Variants in AFF2 observed in about 807,000 individuals in gnomAD.
AFF2 encodes the protein ALF transcription elongation factor 2, also known as AF4/FMR2 family member 2.
In AFF2, 14 loss-of-function variants were observed where a neutral mutation model predicts 76.9. That is an observed-to-expected ratio of 0.18 (90% CI 0.12 to 0.28). The LOEUF (loss-of-function observed/expected upper bound fraction) is 0.28. Ranked by LOEUF, AFF2 falls within the 10% of genes least tolerant of loss-of-function variation. The probability of loss-of-function intolerance (pLI) is 1.00; values close to 1 mark genes in which losing one functional copy is unlikely to be tolerated. For missense variants in AFF2, 868 were observed against 1,001.1 expected, an observed-to-expected ratio of 0.87 and a Z score of 1.79; for synonymous variants, 398 against 366.7, an observed-to-expected ratio of 1.09 and a Z score of -0.98.
At chrX:148,973,672 A>C in intron 16 of AFF2, 65 bp downstream of exon 16, 1 of 1,069,570 alleles carries the variant, frequency 9.3e-7, no homozygotes, top group Non-Finnish European at 1.3e-6. Flanking sequence ...GCTATGTTTT[A>C]AAAAATGTAT....
At chrX:148,729,400 C>T (rs1274396312) in intron 3 of AFF2, among the ~76,000 whole-genome samples, 1 of 111,866 alleles carries the variant, frequency 8.9e-6, no homozygotes, top group Non-Finnish European at 1.9e-5. Context: ...AATAAAGGGG[C>T]ATGGTCGGGA....
intron 1 of AFF2, among the ~76,000 whole-genome samples, chrX:148,550,152 A>C (rs782415466): frequency 1.8e-5 from 2 of 112,108 alleles, no homozygotes; most frequent in African/African-American, 6.5e-5. Flanking sequence ...TTAACTCAGG[A>C]AATTTTGTGT....
Position 148,522,655 on chromosome X carries a change from G to A in AFF2, c.47+21511G>A, listed in dbSNP as rs7051238. On this transcript the variant is annotated intron_variant, in intron 1 of 20. Coordinates refer to ENST00000370460, the MANE Select transcript of AFF2 (RefSeq NM_002025.4). Reference sequence around the variant, plus strand: ...TTAGTATACAATTGCTGGTACAGTTGCTTATACAATTGTACAGTTGCACAA... The same window carrying A: ...TTAGTATACAATTGCTGGTACAGTTACTTATACAATTGTACAGTTGCACAA... 6.3e-3 allele frequency among the ~76,000 whole-genome samples: 710 copies of A among 111,887 alleles called. 8 individuals are homozygous for A. The highest frequency in any genetic ancestry group is 0.021 in the African/African-American group (645 of 30,786).
chrX:148,840,067 A>G (rs2070580138), intron 5 of AFF2, among the ~76,000 whole-genome samples: 3 of 111,122 alleles, frequency 2.7e-5, no homozygotes, highest in Non-Finnish European at 5.7e-5. Context: ...CAAATTGAAA[A>G]TGCCATGTTT....
In AFF2 at chrX:148,966,967, A is replaced by T; in HGVS notation, c.3091A>T (p.Thr1031Ser). 8.3e-7 allele frequency: 1 copy of T among 1,210,800 alleles called. No homozygotes were observed. Among genetic ancestry groups the T allele is most frequent in the Non-Finnish European group, 1.1e-6 (1 of 895,302 alleles). The change falls in exon 14 of 21, where the codon ACT (threonine) becomes TCT (serine). Residue 1031 changes from threonine to serine, a missense_variant. By Grantham distance (58) the Thr-to-Ser change is moderately conservative. This residue lies in a region of AFF2 where 532 missense variants were observed against 564.2 expected (regional missense o/e 0.94). Transcript: ENST00000370460. ...TTISTITSTI[T>S]TGLMDSSHLE... ...CATTTCCACCATCACCTCTACCATC[A>T]CTACTGGCCTCATGGATAGCAGTCA...
At chrX:148,512,791 G>A (rs782521245) in intron 1 of AFF2, among the ~76,000 whole-genome samples, 1 of 112,467 alleles carries the variant, frequency 8.9e-6, no homozygotes, top group Non-Finnish European at 1.9e-5. Context: ...TTGTGATTTT[G>A]TCTGCTTCTC....
At chrX:148,942,238 C>G (rs1557285646) in intron 9 of AFF2, among the ~76,000 whole-genome samples, 1 of 108,128 alleles carries the variant, frequency 9.2e-6, no homozygotes, top group African/African-American at 3.4e-5. Flanking sequence ...ATAGAGCAAA[C>G]AGGATAAGCA....
At chrX:148,587,763 C>T (rs781875479) in intron 1 of AFF2, among the ~76,000 whole-genome samples, 9 of 112,289 alleles carry the variant, frequency 8.0e-5, no homozygotes, top group Non-Finnish European at 1.5e-4. Context: ...ATATGCCCTC[C>T]AACTGAGAAA....
At chrX:148,735,268 T>A (rs1392207936) in intron 3 of AFF2, among the ~76,000 whole-genome samples, 1 of 112,664 alleles carries the variant, frequency 8.9e-6, no homozygotes, top group South Asian at 3.6e-4. Context: ...TCTGTGTATA[T>A]TTATGCACAT....
chrX:148,618,530 G>A (rs1436393162), intron 1 of AFF2, among the ~76,000 whole-genome samples: 2 of 111,283 alleles, frequency 1.8e-5, no homozygotes, highest in African/African-American at 6.5e-5. Context: ...TTGACACATG[G>A]GGATTATTAT....
intron 1 of AFF2, among the ~76,000 whole-genome samples, chrX:148,582,238 C>T (rs1477524189): frequency 9.0e-6 from 1 of 111,112 alleles, no homozygotes; most frequent in Admixed American, 9.6e-5. Context: ...TGATCATTTG[C>T]TTAAGGTGGT....
chrX:148,959,900 C>G (rs1043310846), intron 12 of AFF2, among the ~76,000 whole-genome samples: 2 of 112,718 alleles, frequency 1.8e-5, no homozygotes, highest in Non-Finnish European at 3.8e-5. Flanking sequence ...CAGGCTTGGA[C>G]CAGTTTGGGC....
intron 12 of AFF2, among the ~76,000 whole-genome samples, chrX:148,960,022 G>T (rs1370495283): frequency 2.7e-5 from 3 of 112,479 alleles, no homozygotes; most frequent in Non-Finnish European, 5.6e-5. Flanking sequence ...TTACATAAAG[G>T]CCTAGTCATT....
intron 1 of AFF2, among the ~76,000 whole-genome samples, chrX:148,591,242 G>A (rs1459766179): frequency 8.9e-6 from 1 of 111,863 alleles, no homozygotes; most frequent in Non-Finnish European, 1.9e-5. Context: ...TCATAATCAT[G>A]TGAAATTTCT....
intron 9 of AFF2, among the ~76,000 whole-genome samples, chrX:148,949,062 T>C (rs951671205): frequency 9.0e-6 from 1 of 111,127 alleles, no homozygotes; most frequent in Non-Finnish European, 1.9e-5. Context: ...CTTTCCCTGC[T>C]GCCAGGGCAG....
intron 7 of AFF2, among the ~76,000 whole-genome samples, chrX:148,883,266 G>T (rs1557278689): frequency 9.0e-6 from 1 of 111,671 alleles, no homozygotes; most frequent in African/African-American, 3.3e-5. Context: ...AGATTGTTCA[G>T]AAAATTAAAA....
intron 7 of AFF2, among the ~76,000 whole-genome samples, chrX:148,852,833 C>A (rs892474042): frequency 2.7e-5 from 3 of 112,208 alleles, no homozygotes; most frequent in Non-Finnish European, 3.8e-5. Flanking sequence ...GGCTGCACAG[C>A]CAATGCTGGT....
Position 148,811,983 on chromosome X carries a change from CT to C in AFF2, c.1086+2076del, listed in dbSNP as rs369549004. Among the ~76,000 whole-genome samples, 941 of 102,816 alleles carry C rather than the reference CT, an allele frequency of 9.2e-3. 5 individuals are homozygous for C. The highest frequency in any genetic ancestry group is 0.012 in the African/African-American group (343 of 28,590). 89.3% of individuals were successfully genotyped at this position (102,816 alleles called of 115,157 possible). A position where few individuals can be genotyped will look rare whatever the true frequency, so the allele number is the denominator to read the frequency against. On this transcript the variant is annotated intron_variant, in intron 4 of 20. Transcript: ENST00000370460. Reference sequence around the variant, plus strand: ...GAAGGGCTATAGATTGTATAGAATTCTTTTTTTTTTTTTCCAACAACGCTGT... The same window carrying C: ...GAAGGGCTATAGATTGTATAGAATTCTTTTTTTTTTTTCCAACAACGCTGT...
chrX:148,610,775 G>T (rs1414023314), intron 1 of AFF2, among the ~76,000 whole-genome samples: 1 of 111,588 alleles, frequency 9.0e-6, no homozygotes, highest in African/African-American at 3.3e-5. Flanking sequence ...TCCACTTAGT[G>T]ACATTGGGCT....
Sources: gnomAD v4.1 joint callset for allele counts (sites outside exome capture counted in the v4.1 genomes callset) on GRCh38, gnomAD v4.1.1 for gene constraint, gnomAD v4.1.1 regional missense constraint, MANE v1.5 for transcripts, NCBI Gene and HGNC (gene_info 2026-07-23, HGNC 2026-07-21) for gene names.